Variants in PPP1R12B observed in about 807,000 individuals in gnomAD.
The protein encoded by PPP1R12B is protein phosphatase 1 regulatory subunit 12B.
In PPP1R12B, 76 loss-of-function variants were observed where a neutral mutation model predicts 126.1. That is an observed-to-expected ratio of 0.60 (90% confidence interval 0.50 to 0.73). The LOEUF (loss-of-function observed/expected upper bound fraction) is 0.73. Ranked by LOEUF, PPP1R12B falls within the 30% of genes least tolerant of loss-of-function variation. The probability of loss-of-function intolerance (pLI) is 0.00; values close to 1 mark genes in which losing one functional copy is unlikely to be tolerated. For synonymous variants in PPP1R12B, 356 were observed against 434.7 expected (o/e 0.82, Z 2.25); for missense variants, 1,052 against 1,205.1 (o/e 0.87, Z 1.88).
chr1:202,488,469 T>G, intron 13 of PPP1R12B, 64 bp from the exon 14 acceptor site: 1 of 1,253,868 alleles, frequency 8.0e-7, no homozygotes, highest in Non-Finnish European at 1.1e-6. Flanking sequence ...TGGAAACACT[T>G]TGTCATTCCT....
intron 1 of PPP1R12B, among the ~76,000 whole-genome samples, chr1:202,377,832 GTTTTTTTTT>G (rs74860606): frequency 3.1e-3 from 303 of 97,206 alleles, no homozygotes; most frequent in South Asian, 0.012. Flanking sequence ...AAAGACAGGT[GTTTTTTTTT>G]TTTTTTTTTT....
chr1:202,555,017 G>T (rs1686739732), intron 18 of PPP1R12B, among the ~76,000 whole-genome samples: 1 of 152,002 alleles, frequency 6.6e-6, no homozygotes, highest in African/African-American at 2.4e-5. Flanking sequence ...GCCTTTTCAT[G>T]TCCAGGAACC....
rs1687941981 is a variant in PPP1R12B at position 202,565,181 on chromosome 1, C to CTAA, written c.2757+635_2757+636insAAT. ...CCAGGTTTGATTTAATTAGATGATG[C>CTAA]TTTAGAGGATGCTGGAGGTAATAAC... is the stretch of plus-strand genomic sequence containing the variant. On this transcript the variant is annotated intron_variant, in intron 21 of 23. Coordinates refer to ENST00000608999, the MANE Select transcript of PPP1R12B (RefSeq NM_002481.4). The surrounding 1 kb of genome is among the most constrained non-coding windows in gnomAD (Gnocchi z 4.3). 6.6e-6 allele frequency among the ~76,000 whole-genome samples: 1 copy of CTAA among 152,182 alleles called. No homozygotes were observed.
chr1:202,577,109 C>T (rs1382231235), intron 23 of PPP1R12B: 3 of 152,220 alleles, frequency 2.0e-5, no homozygotes, highest in Non-Finnish European at 1.5e-5. Context: ...ACTTCCTTGT[C>T]AAAGCCTAAC....
At position 202,592,132 on chromosome 1, in the gene PPP1R12B, C is replaced by T. The variant is rs953305730; in HGVS notation, c.*11572C>T. ...AGGCCAAATCTCCAGCAGGAGGCCC[C>T]CTTTATGGCTTTTCAGTGAATTCAA... On this transcript the variant is annotated 3_prime_UTR_variant, in exon 24 of 24. Coordinates refer to ENST00000608999, the MANE Select transcript of PPP1R12B (RefSeq NM_002481.4). 1.3e-5 allele frequency: 2 copies of T among 152,820 alleles called. No homozygotes were observed. Among genetic ancestry groups the T allele is most frequent in the African/African-American group, 4.8e-5 (2 of 41,454 alleles). The allele number at this position is 152,820 out of a possible 1,614,324, so 9.5% of individuals were successfully genotyped here.
rs533019940 is a variant in PPP1R12B at position 202,508,864 on chromosome 1, C to T, written c.2490+12042C>T. Among the ~76,000 whole-genome samples, 10 of 152,258 alleles carry T rather than the reference C, an allele frequency of 6.6e-5. No individual in the cohort carries two copies. In the East Asian group the frequency reaches 1.5e-3, roughly 24 times the overall value. On this transcript the variant is annotated intron_variant, in intron 18 of 23. Coordinates refer to ENST00000608999, the MANE Select transcript of PPP1R12B (RefSeq NM_002481.4). This position sits in a 1 kb window ranked among gnomAD's most constrained non-coding sequence, Gnocchi z 4.5. ...TAGCAGCCTCACTTCATCTTTGGCA[C>T]GTGATGCTCTAGGTCCGCAAACTTT...
At chr1:202,349,233 C>A in intron 1 of PPP1R12B, 91 bp downstream of exon 1, 1 of 1,456,842 alleles carries the variant, frequency 6.9e-7, no homozygotes, top group Non-Finnish European at 9.3e-7. Flanking sequence ...TCAGTGTTGC[C>A]GCCGACTCCT....
At chr1:202,400,228 A>G (rs9988505) in intron 1 of PPP1R12B, among the ~76,000 whole-genome samples, 5,520 of 152,258 alleles carry the variant, frequency 0.036, 334 homozygotes, top group African/African-American at 0.13. Context: ...GGAGATTTCT[A>G]TCCTCGTTAT....
At chr1:202,505,643 T>G (rs1572320504) in intron 18 of PPP1R12B, among the ~76,000 whole-genome samples, 1 of 152,290 alleles carries the variant, frequency 6.6e-6, no homozygotes, top group South Asian at 2.1e-4. Flanking sequence ...CAGACAAGAT[T>G]GCGCTGTGGA....
chr1:202,489,703 G>A (rs1016975440), intron 14 of PPP1R12B, among the ~76,000 whole-genome samples: 1 of 152,208 alleles, frequency 6.6e-6, no homozygotes, highest in Non-Finnish European at 1.5e-5. Context: ...CTGGGGGGAA[G>A]GCAGAATGGT....
chr1:202,479,189 T>C (rs1197389768), intron 13 of PPP1R12B, among the ~76,000 whole-genome samples: 1 of 152,204 alleles, frequency 6.6e-6, no homozygotes, highest in Admixed American at 6.5e-5. Context: ...TTGACACACG[T>C]ATTGGAATTC....
intron 13 of PPP1R12B, among the ~76,000 whole-genome samples, chr1:202,451,750 GGCAGAGGTGCCCCCGACC>G (rs1353323535): frequency 3.6e-4 from 55 of 151,780 alleles, no homozygotes; most frequent in East Asian, 1.2e-3. Context: ...GGGGCGGCCG[GGCAGAGGTGCCCCCGACC>G]TCCCGGACGG....
intron 1 of PPP1R12B, among the ~76,000 whole-genome samples, chr1:202,365,792 C>T (rs1659107160): frequency 6.6e-6 from 1 of 151,268 alleles, no homozygotes; most frequent in Non-Finnish European, 1.5e-5. Flanking sequence ...ATTGCTTGAT[C>T]TTAGCCTGGG....
intron 1 of PPP1R12B, among the ~76,000 whole-genome samples, chr1:202,383,296 A>G (rs1662633928): frequency 6.6e-6 from 1 of 152,258 alleles, no homozygotes; most frequent in Non-Finnish European, 1.5e-5. Flanking sequence ...ACCATTAGCA[A>G]TACAGTTGAA....
intron 18 of PPP1R12B, among the ~76,000 whole-genome samples, chr1:202,555,441 AGGATATTT>A (rs1686821546): frequency 6.7e-6 from 1 of 148,584 alleles, no homozygotes. Flanking sequence ...CCCAACAAAT[AGGATATTT>A]ACAAAGAAGA....
At chr1:202,567,979 T>G in intron 22 of PPP1R12B, 148 bp downstream of exon 22, 1 of 992,430 alleles carries the variant, frequency 1.0e-6, no homozygotes, top group Admixed American at 2.5e-5. Context: ...GATAAATTCT[T>G]TTTGTCTGAC....
chr1:202,459,032 C>A (rs1293611453), intron 13 of PPP1R12B, among the ~76,000 whole-genome samples: 1 of 152,162 alleles, frequency 6.6e-6, no homozygotes. Context: ...AATGTTTTAT[C>A]TTAAGAGGGG....
intron 18 of PPP1R12B, among the ~76,000 whole-genome samples, chr1:202,536,628 C>A (rs1031663828): frequency 6.6e-6 from 1 of 152,120 alleles, no homozygotes; most frequent in African/African-American, 2.4e-5. Flanking sequence ...TAATAAATAA[C>A]CTTAGCTTAC....
intron 13 of PPP1R12B, among the ~76,000 whole-genome samples, chr1:202,484,821 C>T (rs1376672137): frequency 6.6e-6 from 1 of 152,290 alleles, no homozygotes; most frequent in African/African-American, 2.4e-5. Flanking sequence ...ATCTCATTCT[C>T]TCCTGGCCTA....
Sources: allele counts gnomAD v4.1 joint callset (sites outside exome capture counted in the v4.1 genomes callset), GRCh38; gene constraint gnomAD v4.1.1; non-coding constraint Gnocchi (gnomAD v3.1); transcripts MANE v1.5; gene names NCBI Gene and HGNC (gene_info 2026-07-23, HGNC 2026-07-21).